The following DNAH14 variants were observed in gnomAD, a reference collection of about 807,000 sequenced individuals.
DNAH14 encodes the protein axonemal beta dynein heavy chain 14.
In DNAH14, 478 loss-of-function variants were observed where a neutral mutation model predicts 520.9. The observed-to-expected ratio is 0.92, with a 90% CI of 0.85 to 0.99. DNAH14 has a LOEUF of 0.99. DNAH14 is among the 50% of genes least tolerant of loss of function. The pLI is 0.00. For missense variants in DNAH14, 4,831 were observed against 5,234.5 expected, an observed-to-expected ratio of 0.92 and a Z score of 2.38; for synonymous variants, 1,581 against 1,757.2, an observed-to-expected ratio of 0.90 and a Z score of 2.51.
chr1:225,356,176 TG>T (rs113198388), intron 73 of DNAH14, among the ~76,000 whole-genome samples: 1 of 152,340 alleles, frequency 6.6e-6, no homozygotes, highest in African/African-American at 2.4e-5. Context: ...ATTTGTTTTT[TG>T]TTTTGGTTTG....
At chr1:225,218,501 G>T (rs1015295274) in intron 41 of DNAH14, among the ~76,000 whole-genome samples, 1 of 150,276 alleles carries the variant, frequency 6.7e-6, no homozygotes, top group African/African-American at 2.5e-5. Flanking sequence ...AAAAAAGCAG[G>T]GGTTGCAATC....
intron 43 of DNAH14, among the ~76,000 whole-genome samples, chr1:225,248,873 A>C (rs183590595): frequency 9.9e-4 from 151 of 152,322 alleles, no homozygotes; most frequent in African/African-American, 3.5e-3. Flanking sequence ...AACCAAAAGA[A>C]CATCATGGTC....
chr1:225,099,849 C>T (rs1327847168), intron 22 of DNAH14, among the ~76,000 whole-genome samples: 2 of 151,712 alleles, frequency 1.3e-5, no homozygotes, highest in Non-Finnish European at 2.9e-5. Flanking sequence ...ATGCAAGAGG[C>T]AAAAGAGGAT....
intron 44 of DNAH14, among the ~76,000 whole-genome samples, chr1:225,255,860 C>T (rs532368676): frequency 6.6e-6 from 1 of 152,144 alleles, no homozygotes; most frequent in South Asian, 2.1e-4. Flanking sequence ...GCAAGAGAAA[C>T]TATTAAAAGC....
chr1:225,159,240 G>A lies in DNAH14; in HGVS notation c.5274-74G>A. Reference sequence around the variant, plus strand: ...GGGATAGCCACCCCTAAAACAGAATGTTAATGGTCTTCAGTGTCTGCAGAG... The same window carrying A: ...GGGATAGCCACCCCTAAAACAGAATATTAATGGTCTTCAGTGTCTGCAGAG... On this transcript the variant is annotated intron_variant, in intron 34 of 85. Transcript: ENST00000682510. The A allele has an allele frequency of 8.0e-6, 10 of 1,251,194 alleles. No individual in the cohort carries two copies. In the South Asian group the frequency reaches 1.2e-4, roughly 16 times the overall value. 77.5% of individuals were successfully genotyped at this position (1,251,194 alleles called of 1,614,324 possible).
chr1:224,973,388 A>T (rs1267178329), intron 7 of DNAH14, among the ~76,000 whole-genome samples: 4 of 152,208 alleles, frequency 2.6e-5, no homozygotes, highest in Non-Finnish European at 4.4e-5. Context: ...GTGTTTATTT[A>T]AAGGTGGTTG....
At chr1:225,165,976 T>C (rs977379980) in intron 35 of DNAH14, among the ~76,000 whole-genome samples, 3 of 152,214 alleles carry the variant, frequency 2.0e-5, no homozygotes, top group Non-Finnish European at 4.4e-5. Context: ...TACTTGTCTT[T>C]AAACTGATGC....
At chr1:225,059,711 G>T (rs2148397841) in intron 17 of DNAH14, among the ~76,000 whole-genome samples, 1 of 152,092 alleles carries the variant, frequency 6.6e-6, no homozygotes, top group East Asian at 1.9e-4. Flanking sequence ...AGCTCTTTTA[G>T]GGCAGGCCTG....
chr1:225,153,601 T>C (rs1407673237), intron 33 of DNAH14, 149 bp from the exon 34 acceptor site: 1 of 520,106 alleles, frequency 1.9e-6, no homozygotes, highest in Non-Finnish European at 3.3e-6. Flanking sequence ...ATGAGAGCAT[T>C]AGCAGTATAA....
At chr1:225,176,276 A>G (rs900431680) in intron 36 of DNAH14, among the ~76,000 whole-genome samples, 3 of 152,090 alleles carry the variant, frequency 2.0e-5, no homozygotes, top group African/African-American at 7.2e-5. Flanking sequence ...TCCTTCTGTT[A>G]CTGATACTTA....
At chr1:225,114,458 G>A (rs186033463) in intron 23 of DNAH14, among the ~76,000 whole-genome samples, 10 of 152,282 alleles carry the variant, frequency 6.6e-5, no homozygotes, top group Admixed American at 6.5e-4. Flanking sequence ...GGGGTTGGGG[G>A]AGAGGTGATG....
chr1:225,317,975 T>C (rs973122574), intron 60 of DNAH14, among the ~76,000 whole-genome samples: 9 of 152,176 alleles, frequency 5.9e-5, no homozygotes, highest in African/African-American at 1.9e-4. Context: ...AGTTTTACTA[T>C]ATAGGGAAGT....
At chr1:225,372,110 T>C (rs2095626118) in intron 77 of DNAH14, among the ~76,000 whole-genome samples, 1 of 152,136 alleles carries the variant, frequency 6.6e-6, no homozygotes, top group Non-Finnish European at 1.5e-5. Flanking sequence ...CTGCCTCCCC[T>C]AAATAAATGC....
chr1:224,985,656 A>T (rs917958140), intron 8 of DNAH14, among the ~76,000 whole-genome samples: 6 of 152,182 alleles, frequency 3.9e-5, no homozygotes, highest in Non-Finnish European at 8.8e-5. Flanking sequence ...AAGCTCAAAG[A>T]AATTCAAGAT....
At chr1:225,001,222 C>G (rs1384427000) in intron 8 of DNAH14, among the ~76,000 whole-genome samples, 1 of 151,908 alleles carries the variant, frequency 6.6e-6, no homozygotes, top group Non-Finnish European at 1.5e-5. Context: ...CATGTCATTT[C>G]TAGCCACCTT....
At chr1:225,191,081 A>AG (rs1268402585) in intron 37 of DNAH14, among the ~76,000 whole-genome samples, 1 of 152,026 alleles carries the variant, frequency 6.6e-6, no homozygotes, top group African/African-American at 2.4e-5. Flanking sequence ...TTAATTATAT[A>AG]GGAAAAAAAG....
chr1:225,230,461 T>C (rs2090991336), intron 41 of DNAH14, among the ~76,000 whole-genome samples: 1 of 152,154 alleles, frequency 6.6e-6, no homozygotes, highest in Non-Finnish European at 1.5e-5. Context: ...GTGACTGTTT[T>C]CTTCTGTACA....
At chr1:225,154,290 T>C (rs145883048) in intron 34 of DNAH14, among the ~76,000 whole-genome samples, 40 of 152,160 alleles carry the variant, frequency 2.6e-4, no homozygotes, top group South Asian at 2.3e-3. Context: ...ACTCTAAACA[T>C]TAATTTACGA....
rs117230931 is a variant in DNAH14, at chr1:225,081,488, C to T, written c.3136+740C>T. ...TCCCCTCTCAATATTTTGTTATATA[C>T]GTGCTTCGGAGAACAGTAAAGTAAC... On this transcript the variant is annotated intron_variant, in intron 19 of 85. Transcript: ENST00000682510. Among the ~76,000 whole-genome samples, 392 of 152,280 alleles carry T rather than the reference C, an allele frequency of 2.6e-3. 4 individuals carry two copies. The highest frequency in any genetic ancestry group is 0.022 in the East Asian group (114 of 5,186).
Sources: allele counts gnomAD v4.1 joint callset (sites outside exome capture counted in the v4.1 genomes callset), GRCh38; gene constraint gnomAD v4.1.1; transcripts MANE v1.5; gene names NCBI Gene and HGNC (gene_info 2026-07-23, HGNC 2026-07-21).